The following TECRL variants were observed in gnomAD, a reference collection of about 807,000 sequenced individuals.
The protein encoded by TECRL is trans-2,3-enoyl-CoA reductase like.
In TECRL, 63 loss-of-function variants were observed where a neutral mutation model predicts 52.8. The observed-to-expected ratio is 1.19, with a 90% CI of 0.97 to 1.47. The LOEUF (loss-of-function observed/expected upper bound fraction) is 1.47. Ranked by LOEUF, TECRL falls within the 40% of genes most tolerant of loss-of-function variation. The pLI is 0.00. For missense variants in TECRL, 482 were observed against 429.6 expected (o/e 1.12, Z -1.08); for synonymous variants, 164 against 141.9 (o/e 1.16, Z -1.10).
intron 1 of TECRL, among the ~76,000 whole-genome samples, chr4:64,390,918 A>G (rs2109745858): frequency 6.6e-6 from 1 of 151,936 alleles, no homozygotes; most frequent in South Asian, 2.1e-4. Context: ...GAGGAAAATC[A>G]ATTTTAGAAA....
At chr4:64,315,085 AC>A (rs544056576) in intron 4 of TECRL, among the ~76,000 whole-genome samples, 47 of 152,244 alleles carry the variant, frequency 3.1e-4, no homozygotes, top group African/African-American at 1.1e-3. Context: ...AGTCCAATAC[AC>A]ACTTAATCTT....
intron 1 of TECRL, among the ~76,000 whole-genome samples, chr4:64,399,590 C>CAGGTTTTGAGCCCTGCTGCCTTGCCT (rs1724208112): frequency 6.6e-6 from 1 of 152,136 alleles, no homozygotes; most frequent in African/African-American, 2.4e-5. Context: ...TTTCCTGGGC[C>CAGGTTTTGAGCCCTGCTGCCTTGCCT]AGGTTTTGAG....
chr4:64,279,649 G>T lies in TECRL; in HGVS notation c.*423C>A. 2.7e-6 allele frequency: 1 copy of T among 374,580 alleles called. No homozygotes were observed. The highest frequency in any genetic ancestry group is 3.7e-6 in the Non-Finnish European group (1 of 271,858). The allele number at this position is 374,580 out of a possible 1,614,324, so 23.2% of individuals were successfully genotyped here. A position where few individuals can be genotyped will look rare whatever the true frequency, so the allele number is the denominator to read the frequency against. On this transcript the variant is annotated 3_prime_UTR_variant, in exon 12 of 12. Coordinates refer to ENST00000381210, the MANE Select transcript of TECRL (RefSeq NM_001010874.5). ...CATTGTGGTTTTGATTTGCATTTCT[G>T]TATGAATAGTTAATGTTGAGCATTT...
intron 4 of TECRL, among the ~76,000 whole-genome samples, chr4:64,318,499 A>G (rs1346034159): frequency 1.3e-5 from 2 of 152,082 alleles, no homozygotes; most frequent in African/African-American, 2.4e-5. Flanking sequence ...ACCAACTCAG[A>G]TAAAACTAAA....
intron 6 of TECRL, among the ~76,000 whole-genome samples, chr4:64,307,609 A>C (rs1282794185): frequency 5.9e-5 from 9 of 151,780 alleles, no homozygotes. Context: ...TTCAGCCTGC[A>C]CTCCCCTTAA....
intron 3 of TECRL, among the ~76,000 whole-genome samples, chr4:64,323,190 A>G (rs1329792861): frequency 2.0e-5 from 3 of 151,964 alleles, no homozygotes; most frequent in African/African-American, 4.8e-5. Flanking sequence ...GCTTGAGCCC[A>G]GGAGTTCCAT....
intron 9 of TECRL, among the ~76,000 whole-genome samples, chr4:64,287,335 T>C (rs904228356): frequency 2.6e-5 from 4 of 152,154 alleles, no homozygotes; most frequent in Non-Finnish European, 5.9e-5. Context: ...ATTGTTCTAA[T>C]AAAATAATTT....
intron 11 of TECRL, among the ~76,000 whole-genome samples, 177 bp from the exon 12 acceptor site, chr4:64,280,376 TGAGTA>T (rs1722761415): frequency 6.6e-6 from 1 of 152,064 alleles, no homozygotes; most frequent in Non-Finnish European, 1.5e-5. Context: ...ATCGCATGAA[TGAGTA>T]AACACAGAAA....
chr4:64,402,441 T>A (rs13147422), intron 1 of TECRL, among the ~76,000 whole-genome samples: 97,071 of 151,734 alleles, frequency 0.64, 32,234 homozygotes, highest in Non-Finnish European at 0.74. Flanking sequence ...AGCTTACAAA[T>A]GCCCACTCCT....
intron 2 of TECRL, among the ~76,000 whole-genome samples, chr4:64,336,891 G>A (rs192019596): frequency 2.6e-5 from 4 of 152,244 alleles, no homozygotes; most frequent in Admixed American, 6.5e-5. Context: ...TATAATTTCT[G>A]TTCTTTTACA....
chr4:64,368,921 A>G (rs1047365974), intron 2 of TECRL, among the ~76,000 whole-genome samples: 1 of 152,110 alleles, frequency 6.6e-6, no homozygotes, highest in African/African-American at 2.4e-5. Context: ...TTTGGCAAAG[A>G]TTTATATGCA....
In TECRL at chr4:64,357,737, T is replaced by C. The variant is rs143523693; in HGVS notation, c.286+17435A>G. ...CACAAATTCTATTTTAAAAATTAGA[T>C]GAAAAATAATTATTTCTAAATAAGC... On this transcript the variant is annotated intron_variant, in intron 2 of 11. Transcript: ENST00000381210. Among the ~76,000 whole-genome samples the C allele has an allele frequency of 7.3e-5, 11 of 151,546 alleles. No individual in the cohort carries two copies. The East Asian group carries it at 1.9e-3, about 27-fold the overall frequency.
At chr4:64,340,499 G>A (rs112771907) in intron 2 of TECRL, among the ~76,000 whole-genome samples, 1,587 of 152,292 alleles carry the variant, frequency 0.01, 17 homozygotes, top group African/African-American at 0.031. Context: ...CAGCCCTACC[G>A]GGTTTGTGCA....
At chr4:64,405,288 TA>T (rs776494111) in intron 1 of TECRL, among the ~76,000 whole-genome samples, 1 of 152,190 alleles carries the variant, frequency 6.6e-6, no homozygotes, top group East Asian at 1.9e-4. Context: ...TTCTTGTTGT[TA>T]GTAGAGGATA....
chr4:64,367,281 G>A (rs753875539), intron 2 of TECRL, among the ~76,000 whole-genome samples: 20 of 151,896 alleles, frequency 1.3e-4, no homozygotes, highest in Admixed American at 3.3e-4. Flanking sequence ...CTACCTATTC[G>A]TTACTATGTT....
At chr4:64,361,288 G>A (rs1380557093) in intron 2 of TECRL, among the ~76,000 whole-genome samples, 3 of 152,140 alleles carry the variant, frequency 2.0e-5, no homozygotes, top group Non-Finnish European at 4.4e-5. Context: ...CCACTTTAGT[G>A]ACTTATACGC....
chr4:64,379,758 A>G (rs963724531), intron 1 of TECRL, among the ~76,000 whole-genome samples: 2 of 152,192 alleles, frequency 1.3e-5, no homozygotes, highest in South Asian at 2.1e-4. Context: ...TTGTCTTTCA[A>G]TGCCTGGCGT....
chr4:64,292,895 G>A (rs571619080), intron 8 of TECRL, among the ~76,000 whole-genome samples: 2 of 152,154 alleles, frequency 1.3e-5, no homozygotes, highest in Admixed American at 1.3e-4. Flanking sequence ...CTAGGTGCTA[G>A]TGTTTTAAGT....
At chr4:64,354,976 G>C (rs772335622) in intron 2 of TECRL, among the ~76,000 whole-genome samples, 1 of 152,170 alleles carries the variant, frequency 6.6e-6, no homozygotes, top group Non-Finnish European at 1.5e-5. Context: ...ATATGGATAA[G>C]TGAGTAAGTA....
Sources: gnomAD v4.1 joint callset for allele counts (sites outside exome capture counted in the v4.1 genomes callset) on GRCh38, gnomAD v4.1.1 for gene constraint, MANE v1.5 for transcripts, NCBI Gene and HGNC (gene_info 2026-07-23, HGNC 2026-07-21) for gene names.